PSMD1: variants seen among roughly 807,000 people sequenced by gnomAD.
The protein encoded by PSMD1 is 26S proteasome non-ATPase regulatory subunit 1.
Under a neutral mutation model 119.0 loss-of-function variants are expected in PSMD1, and 18 were observed. The ratio of observed to expected loss-of-function variants is 0.15; its 90% CI spans 0.10 to 0.22. The LOEUF (loss-of-function observed/expected upper bound fraction) is 0.22. Ranked by LOEUF, PSMD1 falls within the 10% of genes least tolerant of loss-of-function variation. PSMD1 has a pLI of 1.00. For missense variants in PSMD1, 702 were observed against 1,158.5 expected, an observed-to-expected ratio of 0.61 and a Z score of 5.72; for synonymous variants, 374 against 396.6, an observed-to-expected ratio of 0.94 and a Z score of 0.68.
chr2:231,095,987 T>C (rs1290896724), intron 16 of PSMD1, among the ~76,000 whole-genome samples: 4 of 152,212 alleles, frequency 2.6e-5, no homozygotes, highest in Non-Finnish European at 5.9e-5. Flanking sequence ...TCTACCCAAG[T>C]TGGATCTTGA....
intron 16 of PSMD1, among the ~76,000 whole-genome samples, chr2:231,113,150 C>G (rs1300943021): frequency 2.0e-5 from 3 of 152,020 alleles, no homozygotes; most frequent in Non-Finnish European, 4.4e-5. Context: ...GGTGACAGAG[C>G]AAGACCCTGT....
intron 5 of PSMD1, among the ~76,000 whole-genome samples, chr2:231,067,859 G>C (rs1010721929): frequency 1.2e-4 from 18 of 152,024 alleles, no homozygotes; most frequent in Non-Finnish European, 2.5e-4. Context: ...GTTTCATCAT[G>C]TTGACCAAGC....
At position 231,146,318 on chromosome 2, in the gene PSMD1, C is replaced by A; in HGVS notation, c.2077C>A (p.Leu693Ile). 2 of 1,613,842 alleles carry A rather than the reference C, an allele frequency of 1.2e-6. No homozygotes were observed. Among genetic ancestry groups the A allele is most frequent in the South Asian group, 2.2e-5 (2 of 91,068 alleles). The change falls in exon 18 of 25, where the codon CTC becomes ATC. Residue 693 changes from leucine (L) to isoleucine (I), a missense_variant. By Grantham distance (5) the Leu-to-Ile change is conservative (BLOSUM62 2). Coordinates refer to ENST00000308696, the MANE Select transcript of PSMD1 (RefSeq NM_002807.4). ...VRQGALIASA[L>I]IMIQQTEITC... The stretch of plus-strand genomic sequence containing the variant: ...GCAAGGGGCACTCATAGCTTCAGCT[C>A]TCATCATGATCCAGCAGACTGAAAT...
At chr2:231,077,254 C>G in intron 9 of PSMD1, 92 bp downstream of exon 9, 1 of 960,258 alleles carries the variant, frequency 1.0e-6, no homozygotes, top group East Asian at 3.3e-5. Context: ...TGGATACTTT[C>G]TTTATTTTAT....
chr2:231,100,916 C>T (rs1401919290), intron 16 of PSMD1, among the ~76,000 whole-genome samples: 1 of 152,196 alleles, frequency 6.6e-6, no homozygotes, highest in Non-Finnish European at 1.5e-5. Context: ...CGAGGGTTCC[C>T]TCGCAATCTG....
intron 16 of PSMD1, chr2:231,113,859 T>A (rs754226634): frequency 3.7e-6 from 6 of 1,614,032 alleles, no homozygotes; most frequent in Non-Finnish European, 8.5e-7. Flanking sequence ...GCATGATGGA[T>A]GCGGTTGAAA....
At chr2:231,138,389 T>C (rs150015496) in intron 16 of PSMD1, among the ~76,000 whole-genome samples, 189 of 152,272 alleles carry the variant, frequency 1.2e-3, no homozygotes, top group African/African-American at 4.3e-3. Context: ...AAATGCAAAG[T>C]AACCAAGAAA....
chr2:231,071,865 G>A (rs971439677), intron 6 of PSMD1, among the ~76,000 whole-genome samples: 4 of 152,122 alleles, frequency 2.6e-5, no homozygotes, highest in African/African-American at 9.7e-5. Flanking sequence ...AACAAATTAA[G>A]GAGCACTTAG....
At chr2:231,078,231 G>A (rs1218789130) in intron 9 of PSMD1, among the ~76,000 whole-genome samples, 1 of 152,172 alleles carries the variant, frequency 6.6e-6, no homozygotes, top group Non-Finnish European at 1.5e-5. Context: ...TCGTACCACT[G>A]CACTCCAGCC....
chr2:231,062,530 T>A lies in PSMD1; in HGVS notation c.159T>A (p.Gly53=). ...GAGAGGTTTTATACGAAGATGAAGG[T>A]TTCCGGAGTCGGCAGTTTGCAGCCT... ...DKIEVLYEDE[G]FRSRQFAALV... The change falls in exon 4 of 25, where the codon GGT becomes GGA. Residue 53 remains glycine, a synonymous_variant. Coordinates refer to ENST00000308696, the MANE Select transcript of PSMD1 (RefSeq NM_002807.4). The A allele has an allele frequency of 6.2e-7, 1 of 1,602,246 alleles. No homozygotes were observed. The highest frequency in any genetic ancestry group is 8.5e-7 in the Non-Finnish European group (1 of 1,176,184).
intron 7 of PSMD1, among the ~76,000 whole-genome samples, chr2:231,073,213 A>G (rs1203774525): frequency 2.0e-5 from 3 of 152,174 alleles, no homozygotes; most frequent in East Asian, 1.9e-4. Context: ...AACAACTACA[A>G]TGGTAACATC....
intron 16 of PSMD1, among the ~76,000 whole-genome samples, chr2:231,110,145 C>G (rs879892339): frequency 6.6e-6 from 1 of 152,126 alleles, no homozygotes; most frequent in Non-Finnish European, 1.5e-5. Flanking sequence ...CATGGCGAAA[C>G]CCCATCTCTA....
At chr2:231,143,418 C>CG (rs1490270932) in intron 17 of PSMD1, among the ~76,000 whole-genome samples, 4 of 152,190 alleles carry the variant, frequency 2.6e-5, no homozygotes, top group African/African-American at 9.6e-5. Context: ...TTAGTAGAGA[C>CG]GGGGTTTCAC....
intron 7 of PSMD1, among the ~76,000 whole-genome samples, chr2:231,073,791 T>C (rs1295871889): frequency 1.3e-5 from 2 of 152,088 alleles, no homozygotes; most frequent in African/African-American, 4.8e-5. Context: ...AATTTCTATT[T>C]TTTTTGTTGG....
chr2:231,066,977 A>G lies in PSMD1; in HGVS notation c.376A>G (p.Ile126Val), dbSNP rs1453245588. Reference sequence around the variant, plus strand: ...TTTGCCTGAAGGAGAAAAAAAACCAATTGACCAGAGATTGGAAGGCATCGT... The same window carrying G: ...TTTGCCTGAAGGAGAAAAAAAACCAGTTGACCAGAGATTGGAAGGCATCGT... The part of the protein sequence containing the change: ...ADLPEGEKKP[I>V]DQRLEGIVNK... The change falls in exon 5 of 25, where the codon ATT becomes GTT. Residue 126 changes from isoleucine (I) to valine (V), a missense_variant. By Grantham distance (29) the Ile-to-Val change is conservative. Around this residue, in one of 9 missense-constraint regions of PSMD1, gnomAD observed 50 missense variants for 41.8 expected, o/e 1.20. Coordinates refer to ENST00000308696, the MANE Select transcript of PSMD1 (RefSeq NM_002807.4). 6.2e-7 allele frequency: 1 copy of G among 1,613,568 alleles called. No homozygotes were observed. Among genetic ancestry groups the G allele is most frequent in the East Asian group, 2.2e-5 (1 of 44,864 alleles).
intron 16 of PSMD1, among the ~76,000 whole-genome samples, chr2:231,096,297 A>C (rs1407199720): frequency 1.3e-5 from 2 of 152,182 alleles, no homozygotes; most frequent in Non-Finnish European, 2.9e-5. Context: ...GACTCAGGCA[A>C]AACCTCCATT....
In PSMD1 at chr2:231,072,263, G is replaced by T; in HGVS notation, c.729G>T (p.Leu243=). ...LEKLVKEDNL[L]MAYQICFDLY... is the part of the protein sequence containing the mutation. ...AACTGGTAAAGGAAGACAACCTCCT[G>T]ATGGCATATCAGATTTGTTTTGATT... is the stretch of plus-strand genomic sequence containing the variant. The change falls in exon 7 of 25, where the codon CTG becomes CTT. Residue 243 remains leucine, a synonymous_variant. Coordinates refer to ENST00000308696, the MANE Select transcript of PSMD1 (RefSeq NM_002807.4). 1 of 1,613,952 alleles carries T rather than the reference G, an allele frequency of 6.2e-7. No homozygotes were observed. Among genetic ancestry groups the T allele is most frequent in the Non-Finnish European group, 8.5e-7 (1 of 1,179,858 alleles).
chr2:231,069,694 A>G (rs1574706195), intron 5 of PSMD1, among the ~76,000 whole-genome samples: 1 of 152,310 alleles, frequency 6.6e-6, no homozygotes, highest in Middle Eastern at 3.4e-3. Context: ...CATTTGGAAA[A>G]CATAGCTACT....
At chr2:231,057,074 A>G in intron 1 of PSMD1, 33 bp downstream of exon 1, 1 of 1,492,642 alleles carries the variant, frequency 6.7e-7, no homozygotes, top group Non-Finnish European at 8.9e-7. Flanking sequence ...GCCTGGAGGG[A>G]GGAGCCGCCG....
Sources: gnomAD v4.1 joint callset for allele counts (sites outside exome capture counted in the v4.1 genomes callset) on GRCh38, gnomAD v4.1.1 for gene constraint, gnomAD v4.1.1 regional missense constraint, MANE v1.5 for transcripts, NCBI Gene and HGNC (gene_info 2026-07-23, HGNC 2026-07-21) for gene names.